The following FAM222B variants were observed in gnomAD, a reference collection of about 807,000 sequenced individuals.
FAM222B encodes the protein protein FAM222B.
In FAM222B, 12 loss-of-function variants were observed where a neutral mutation model predicts 38.0. That is an observed-to-expected ratio of 0.32 (90% CI 0.20 to 0.51). FAM222B has a LOEUF of 0.51. FAM222B is among the 20% of genes least tolerant of loss of function. The pLI is 0.97. For synonymous variants in FAM222B, 329 were observed against 317.2 expected (o/e 1.04, Z -0.40); for missense variants, 716 against 754.2 (o/e 0.95, Z 0.59).
chr17:28,853,891 T>C (rs2039202301), intron 1 of FAM222B, among the ~76,000 whole-genome samples: 1 of 151,470 alleles, frequency 6.6e-6, no homozygotes, highest in African/African-American at 2.4e-5. Context: ...GCACTGACTC[T>C]AAGAACCTTC....
chr17:28,758,156 A>T lies in FAM222B; in HGVS notation c.*114T>A. ...TCCCACCAAATTCCCTTTCTTAGAC[A>T]TCTAAGAATGATCACACTGGAGCAG... On this transcript the variant is annotated 3_prime_UTR_variant, in exon 3 of 3. Coordinates refer to ENST00000581407, the MANE Select transcript of FAM222B (RefSeq NM_001077498.3). 1.1e-6 allele frequency: 1 copy of T among 943,624 alleles called. No homozygotes were observed. The highest frequency in any genetic ancestry group is 1.6e-6 in the Non-Finnish European group (1 of 636,806). The allele number at this position is 943,624 out of a possible 1,614,324, so 58.5% of individuals were successfully genotyped here. A position where few individuals can be genotyped will look rare whatever the true frequency, so the allele number is the denominator to read the frequency against.
chr17:28,800,159 G>A (rs1444496332), intron 1 of FAM222B, among the ~76,000 whole-genome samples: 1 of 151,804 alleles, frequency 6.6e-6, no homozygotes, highest in Non-Finnish European at 1.5e-5. Flanking sequence ...AGCTTCCCGA[G>A]TAGCTAGGAT....
intron 1 of FAM222B, among the ~76,000 whole-genome samples, chr17:28,808,602 C>T (rs910237316): frequency 2.0e-5 from 3 of 152,240 alleles, no homozygotes; most frequent in Admixed American, 2.0e-4. Flanking sequence ...AAGTCCTCTA[C>T]TTTCAGGATT....
chr17:28,819,713 AG>A (rs1392805095), intron 1 of FAM222B, among the ~76,000 whole-genome samples: 1 of 152,216 alleles, frequency 6.6e-6, no homozygotes, highest in Non-Finnish European at 1.5e-5. Flanking sequence ...AATGTAAAAC[AG>A]TTGAAGCCAA....
intron 1 of FAM222B, among the ~76,000 whole-genome samples, chr17:28,791,305 C>T (rs887164772): frequency 1.3e-5 from 2 of 151,990 alleles, no homozygotes; most frequent in Non-Finnish European, 2.9e-5. Flanking sequence ...CAACTATTCT[C>T]ATTTATCTTA....
intron 1 of FAM222B, among the ~76,000 whole-genome samples, chr17:28,781,249 G>C (rs1046060909): frequency 2.0e-5 from 3 of 152,136 alleles, no homozygotes; most frequent in Non-Finnish European, 4.4e-5. Context: ...AGTGAGCCAT[G>C]ATCATGCCAC....
chr17:28,787,798 A>C (rs1197041631), intron 1 of FAM222B, among the ~76,000 whole-genome samples: 1 of 152,114 alleles, frequency 6.6e-6, no homozygotes, highest in East Asian at 1.9e-4. Context: ...AACTGTCTGC[A>C]AAACAAATAA....
intron 1 of FAM222B, among the ~76,000 whole-genome samples, chr17:28,806,649 T>C (rs2037509941): frequency 6.6e-6 from 1 of 152,138 alleles, no homozygotes; most frequent in Admixed American, 6.6e-5. Context: ...AACAACTTTA[T>C]TTTTTCTTTC....
rs758234852 is a variant in FAM222B, at chr17:28,758,726, C to T, written c.1233G>A (p.Pro411=). The part of the protein sequence containing the change: ...PGFVGKAPAY[P]QELCLAQSFH... ...AGGACTGCGCCAGGCAGAGTTCCTG[C>T]GGGTAGGCAGGGGCCTTGCCCACAA... The change falls in exon 3 of 3, where the codon CCG becomes CCA. Residue 411 remains proline, a synonymous_variant. Coordinates refer to ENST00000581407, the MANE Select transcript of FAM222B (RefSeq NM_001077498.3). 16 of 1,585,344 alleles carry T rather than the reference C, an allele frequency of 1.0e-5. No individual in the cohort carries two copies. In the Admixed American group the frequency reaches 1.8e-4, roughly 18 times the overall value.
intron 1 of FAM222B, among the ~76,000 whole-genome samples, chr17:28,779,075 C>T (rs1382134272): frequency 6.6e-6 from 1 of 151,888 alleles, no homozygotes; most frequent in Non-Finnish European, 1.5e-5. Flanking sequence ...ATCAAGAGAC[C>T]AGAAGAATTC....
At chr17:28,821,679 G>A in intron 1 of FAM222B, among the ~76,000 whole-genome samples, 1 of 152,112 alleles carries the variant, frequency 6.6e-6, no homozygotes, top group Non-Finnish European at 1.5e-5. Flanking sequence ...ATCGTACAGG[G>A]CCGGGTGAGA....
chr17:28,825,026 A>T (rs1170360304), intron 1 of FAM222B, among the ~76,000 whole-genome samples: 1 of 152,088 alleles, frequency 6.6e-6, no homozygotes, highest in Non-Finnish European at 1.5e-5. Context: ...GGCCTCCCAA[A>T]GTGCTGGGAT....
intron 1 of FAM222B, among the ~76,000 whole-genome samples, chr17:28,824,549 C>G (rs919764697): frequency 6.6e-6 from 1 of 152,082 alleles, no homozygotes; most frequent in Non-Finnish European, 1.5e-5. Flanking sequence ...CCATTTACCT[C>G]CCTGGTTGCT....
At chr17:28,779,093 CACTT>C (rs1567819554) in intron 1 of FAM222B, among the ~76,000 whole-genome samples, 1 of 152,024 alleles carries the variant, frequency 6.6e-6, no homozygotes, top group Non-Finnish European at 1.5e-5. Context: ...TTCTGCCAAA[CACTT>C]AAGGTAAAAC....
At chr17:28,830,990 C>CTTTTTT (rs56073818) in intron 1 of FAM222B, among the ~76,000 whole-genome samples, 10 of 117,794 alleles carry the variant, frequency 8.5e-5, no homozygotes, top group African/African-American at 2.6e-4. Context: ...GTGAATGTTT[C>CTTTTTT]TTTTTTTTTT....
intron 1 of FAM222B, among the ~76,000 whole-genome samples, chr17:28,811,039 A>G (rs1209966622): frequency 6.6e-6 from 1 of 150,738 alleles, no homozygotes; most frequent in Non-Finnish European, 1.5e-5. Context: ...CATTTTAATT[A>G]ATATTTATCA....
intron 1 of FAM222B, among the ~76,000 whole-genome samples, chr17:28,828,994 C>T (rs2038549282): frequency 6.6e-6 from 1 of 152,104 alleles, no homozygotes. Flanking sequence ...CAACCTCCGA[C>T]TCCCGGGTTC....
intron 2 of FAM222B, among the ~76,000 whole-genome samples, chr17:28,760,774 G>A (rs1161186453): frequency 6.6e-6 from 1 of 151,896 alleles, no homozygotes; most frequent in African/African-American, 2.4e-5. Flanking sequence ...CTTGGCAGCT[G>A]GGGGGCTTTG....
chr17:28,812,953 T>C (rs917853904), intron 1 of FAM222B, among the ~76,000 whole-genome samples: 4 of 132,424 alleles, frequency 3.0e-5, no homozygotes, highest in Non-Finnish European at 6.2e-5. Context: ...TAGGATTGCA[T>C]ATTAAATCAA....
Sources: allele counts gnomAD v4.1 joint callset (sites outside exome capture counted in the v4.1 genomes callset), GRCh38; gene constraint gnomAD v4.1.1; transcripts MANE v1.5; gene names NCBI Gene and HGNC (gene_info 2026-07-23, HGNC 2026-07-21).